TMEM39B: variants seen among roughly 807,000 people sequenced by gnomAD.
TMEM39B encodes the protein transmembrane protein 39B.
In TMEM39B, 23 loss-of-function variants were observed where a neutral mutation model predicts 52.2. The observed-to-expected ratio is 0.44, with a 90% confidence interval of 0.32 to 0.62. The LOEUF is 0.62. Ranked by LOEUF, TMEM39B falls within the 20% of genes least tolerant of loss-of-function variation. The pLI is 0.06. For missense variants in TMEM39B, 547 were observed against 642.0 expected, an observed-to-expected ratio of 0.85 and a Z score of 1.60; for synonymous variants, 285 against 264.0, an observed-to-expected ratio of 1.08 and a Z score of -0.77.
Position 32,075,542 on chromosome 1 carries a change from G to A in TMEM39B, c.132-61G>A, listed in dbSNP as rs181373354. On this transcript the variant is annotated intron_variant, in intron 2 of 8. Coordinates refer to ENST00000336294, the MANE Select transcript of TMEM39B (RefSeq NM_018056.4). ...TCTTATCCCACAATCCTTTGCCTCA[G>A]AAGCCCTTCCTGGTAGGATTCTCAG... 530 of 1,502,944 alleles carry A rather than the reference G, an allele frequency of 3.5e-4. 3 individuals are homozygous for A. The African/African-American group carries it at 6.6e-3, about 19-fold the overall frequency. 93.1% of individuals were successfully genotyped at this position (1,502,944 alleles called of 1,614,324 possible).
intron 6 of TMEM39B, among the ~76,000 whole-genome samples, 167 bp from the exon 7 acceptor site, chr1:32,094,617 G>T (rs1640742237): frequency 6.6e-6 from 1 of 152,140 alleles, no homozygotes; most frequent in South Asian, 2.1e-4. Context: ...CCAACTAGTG[G>T]GCACAGGGCC....
upstream of TMEM39B, chr1:32,072,814 TG>T (rs909739943): frequency 3.7e-6 from 2 of 544,254 alleles, no homozygotes; most frequent in African/African-American, 2.0e-5. Context: ...AGGAAGGGCG[TG>T]GGGGACCGAG....
chr1:32,088,043 G>A (rs569097212), intron 5 of TMEM39B, among the ~76,000 whole-genome samples: 2 of 150,330 alleles, frequency 1.3e-5, no homozygotes, highest in African/African-American at 4.9e-5. Flanking sequence ...GAAGAATGGC[G>A]TGAACCTGGG....
intron 1 of TMEM39B, 115 bp downstream of exon 1, chr1:32,073,166 G>A (rs1639705671): frequency 1.5e-6 from 2 of 1,307,140 alleles, no homozygotes; most frequent in Admixed American, 3.7e-5. Context: ...AGGGGGAGGG[G>A]ATGCGAGCGC....
intron 1 of TMEM39B, chr1:32,073,776 G>T: frequency 1.0e-6 from 1 of 985,390 alleles, no homozygotes; most frequent in Non-Finnish European, 1.2e-6. Flanking sequence ...ATACATCCAA[G>T]CCCAAAATTG....
intron 5 of TMEM39B, among the ~76,000 whole-genome samples, chr1:32,084,870 T>G (rs1239075349): frequency 6.6e-6 from 1 of 152,038 alleles, no homozygotes; most frequent in Admixed American, 6.6e-5. Context: ...CCAGTCTCAG[T>G]GTAGATTTCT....
At chr1:32,089,142 T>A (rs2124472330) in intron 5 of TMEM39B, among the ~76,000 whole-genome samples, 1 of 150,330 alleles carries the variant, frequency 6.7e-6, no homozygotes, top group Non-Finnish European at 1.5e-5. Flanking sequence ...TTTTTTTTTT[T>A]TTTTTTTTTT....
At chr1:32,072,911 T>C (rs956405914), upstream of TMEM39B, 3 of 1,213,982 alleles carry the variant, frequency 2.5e-6, no homozygotes, top group Non-Finnish European at 3.4e-6. Flanking sequence ...TGTATGCAAA[T>C]GTAGCGGCGC....
chr1:32,081,225 G>A (rs1214263416), intron 5 of TMEM39B, among the ~76,000 whole-genome samples: 2 of 150,788 alleles, frequency 1.3e-5, no homozygotes, highest in Non-Finnish European at 2.9e-5. Context: ...TTTACAGACA[G>A]AGTCTGTAAA....
chr1:32,102,650 G>C lies in TMEM39B; in HGVS notation c.1456G>C (p.Asp486His), dbSNP rs763040080. Reference sequence around the variant, plus strand: ...CTCATACTCTGCTAGCCCCCAGAGAGACCTGGACCACCGTTTCTCCTGAGC... The same window carrying C: ...CTCATACTCTGCTAGCCCCCAGAGACACCTGGACCACCGTTTCTCCTGAGC... ...AYSYSASPQRDLDHRFS is the reference protein window; with the variant it reads ...AYSYSASPQRHLDHRFS The change falls in exon 9 of 9, where the codon GAC (aspartate) becomes CAC (histidine). Residue 486 changes from aspartate to histidine, a missense_variant. Transcript: ENST00000336294. 2 of 1,590,128 alleles carry C rather than the reference G, an allele frequency of 1.3e-6. No individual in the cohort carries two copies. The highest frequency in any genetic ancestry group is 1.7e-6 in the Non-Finnish European group (2 of 1,166,396).
At chr1:32,081,346 A>C (rs1267401781) in intron 5 of TMEM39B, among the ~76,000 whole-genome samples, 2 of 151,520 alleles carry the variant, frequency 1.3e-5, no homozygotes, top group Non-Finnish European at 2.9e-5. Context: ...ATCTCGGCTC[A>C]CTGCAACCTC....
At chr1:32,075,138 T>A in intron 2 of TMEM39B, 61 bp downstream of exon 2, 1 of 1,491,318 alleles carries the variant, frequency 6.7e-7, no homozygotes, top group Non-Finnish European at 9.0e-7. Context: ...TGGACAGGGC[T>A]CTCTCTGACT....
rs376045779 is a variant in TMEM39B at position 32,100,576 on chromosome 1, C to G, written c.1236+14C>G. On this transcript the variant is annotated intron_variant, in intron 8 of 8. Coordinates refer to ENST00000336294, the MANE Select transcript of TMEM39B (RefSeq NM_018056.4). ...TTCCGCTTCCATGTGAGTCTCCTCC[C>G]CGGGGAAGGAGGGTTGGGGCCTGAG... is the stretch of plus-strand genomic sequence containing the variant. The G allele has an allele frequency of 4.3e-6, 7 of 1,614,068 alleles. No individual in the cohort carries two copies. In the South Asian group the frequency reaches 7.7e-5, roughly 18 times the overall value.
At chr1:32,090,267 A>G (rs1640548810) in intron 5 of TMEM39B, among the ~76,000 whole-genome samples, 1 of 152,132 alleles carries the variant, frequency 6.6e-6, no homozygotes. Flanking sequence ...GCAGCCACAC[A>G]CATAATTAGC....
chr1:32,088,855 G>A (rs1284516779), intron 5 of TMEM39B, among the ~76,000 whole-genome samples: 1 of 151,978 alleles, frequency 6.6e-6, no homozygotes, highest in Admixed American at 6.6e-5. Flanking sequence ...GAGTATTTCG[G>A]GAATGCCATT....
chr1:32,091,761 G>A lies in TMEM39B; in HGVS notation c.677G>A (p.Arg226Gln), dbSNP rs140585172. 8.1e-6 allele frequency: 13 copies of A among 1,614,074 alleles called. No individual in the cohort carries two copies. Among genetic ancestry groups the A allele is most frequent in the East Asian group, 6.7e-5 (3 of 44,902 alleles). Residue 226 changes from arginine to glutamine, a missense_variant, in exon 6 of 9, where the codon CGG (arginine) becomes CAG (glutamine). Physicochemically the swap from Arg to Gln is conservative, Grantham distance 43. Transcript: ENST00000336294. ...AACCACATGGCCTCCATGGGGCCCC[G>A]GGAGGCGGTCAGTGGCCTGGCAAAG... ...LFNHMASMGP[R>Q]EAVSGLAKSR...
chr1:32,073,306 C>A (rs573415707), intron 1 of TMEM39B: 36 of 444,280 alleles, frequency 8.1e-5, no homozygotes, highest in Non-Finnish European at 1.3e-4. Context: ...AGGACCAGCT[C>A]GTCGGGGCTA....
chr1:32,100,916 A>G, intron 8 of TMEM39B, among the ~76,000 whole-genome samples: 1 of 152,166 alleles, frequency 6.6e-6, no homozygotes, highest in Admixed American at 6.5e-5. Flanking sequence ...CTGTAATCCC[A>G]GCTACTCGGG....
Position 32,100,548 on chromosome 1 carries a change from C to T in TMEM39B, c.1222C>T (p.His408Tyr). The change falls in exon 8 of 9, where the codon CAC (histidine) becomes TAC (tyrosine). Residue 408 changes from histidine to tyrosine, a missense_variant. His to Tyr is a moderately conservative substitution (Grantham distance 83). Coordinates refer to ENST00000336294, the MANE Select transcript of TMEM39B (RefSeq NM_018056.4). ...YNVAIPSDVS[H>Y]FRFHFFFSKP... Reference sequence around the variant, plus strand: ...CGTGGCTATCCCCTCTGACGTCTCCCACTTCCGCTTCCATGTGAGTCTCCT... The same window carrying T: ...CGTGGCTATCCCCTCTGACGTCTCCTACTTCCGCTTCCATGTGAGTCTCCT... The T allele has an allele frequency of 6.2e-7, 1 of 1,614,164 alleles. No individual in the cohort carries two copies. The highest frequency in any genetic ancestry group is 8.5e-7 in the Non-Finnish European group (1 of 1,180,006).
Sources: gnomAD v4.1 joint callset for allele counts (sites outside exome capture counted in the v4.1 genomes callset) on GRCh38, gnomAD v4.1.1 for gene constraint, MANE v1.5 for transcripts, NCBI Gene and HGNC (gene_info 2026-07-23, HGNC 2026-07-21) for gene names.